Variants in LAMA2 observed in about 807,000 individuals in gnomAD.
The protein encoded by LAMA2 is laminin subunit alpha-2.
A neutral mutation model predicts 364.8 loss-of-function variants in LAMA2; 269 were observed. That is an observed-to-expected ratio of 0.74 (90% confidence interval 0.67 to 0.82). LAMA2 has a LOEUF of 0.82. Ranked by LOEUF, LAMA2 falls within the 40% of genes least tolerant of loss-of-function variation. LAMA2 has a pLI of 0.00. For synonymous variants in LAMA2, 1,379 were observed against 1,370.6 expected (o/e 1.01, Z -0.14); for missense variants, 3,807 against 3,873.2 (o/e 0.98, Z 0.45).
chr6:129,348,765 C>T (rs9402118), intron 30 of LAMA2, among the ~76,000 whole-genome samples: 1 of 152,084 alleles, frequency 6.6e-6, no homozygotes, highest in African/African-American at 2.4e-5. Context: ...AGTTTGAAAT[C>T]TGGATGTAAA....
At chr6:129,158,849 T>C (rs1779285944) in intron 8 of LAMA2, 6 of 1,614,040 alleles carry the variant, frequency 3.7e-6, no homozygotes, top group Non-Finnish European at 5.1e-6. Context: ...GGTTTCTCCC[T>C]GGTCATCTTC....
At chr6:129,070,409 CT>C (rs1408557215) in intron 3 of LAMA2, among the ~76,000 whole-genome samples, 1 of 151,960 alleles carries the variant, frequency 6.6e-6, no homozygotes, top group Non-Finnish European at 1.5e-5. Context: ...GAAATGATAC[CT>C]ATGAGGTTCA....
chr6:129,486,977 T>C (rs1266462869), intron 56 of LAMA2, among the ~76,000 whole-genome samples: 1 of 152,200 alleles, frequency 6.6e-6, no homozygotes, highest in African/African-American at 2.4e-5. Flanking sequence ...TCAGCTCCAC[T>C]GGAGCCAGCA....
chr6:129,252,054 C>T, intron 13 of LAMA2, 30 bp from the exon 14 acceptor site: 1 of 1,516,806 alleles, frequency 6.6e-7, no homozygotes, highest in Non-Finnish European at 9.1e-7. Context: ...CAGTTTTACT[C>T]TTTTTTATTT....
At chr6:129,507,223 G>A (rs1786161357) in intron 61 of LAMA2, among the ~76,000 whole-genome samples, 1 of 151,986 alleles carries the variant, frequency 6.6e-6, no homozygotes, top group African/African-American at 2.4e-5. Flanking sequence ...TCAAACCAAT[G>A]GAGACATAGT....
intron 5 of LAMA2, among the ~76,000 whole-genome samples, chr6:129,145,562 T>A (rs561994158): frequency 7.4e-4 from 112 of 152,140 alleles, no homozygotes; most frequent in Admixed American, 2.5e-3. Flanking sequence ...CTTGACAGTA[T>A]GTCTATCAGA....
In LAMA2 at chr6:129,443,083, ACT is replaced by A; in HGVS notation, c.6274+16_6274+17del. 6.3e-7 allele frequency: 1 copy of A among 1,583,954 alleles called. No homozygotes were observed. On this transcript the variant is annotated intron_variant, in intron 44 of 64. Transcript: ENST00000421865. ...TGCAGAAATCAGTACGTATATGTTTACTTATATACCTTTTAGTAACGCTCATG... is the reference window on the plus strand; with the variant it reads ...TGCAGAAATCAGTACGTATATGTTTATATATACCTTTTAGTAACGCTCATG...
chr6:129,457,401 G>T (rs1422312113), intron 48 of LAMA2, among the ~76,000 whole-genome samples: 1 of 151,882 alleles, frequency 6.6e-6, no homozygotes, highest in Non-Finnish European at 1.5e-5. Flanking sequence ...ATAAATATAG[G>T]GATAGCACAC....
chr6:128,980,674 A>C (rs1562890549), intron 1 of LAMA2, among the ~76,000 whole-genome samples: 1 of 152,126 alleles, frequency 6.6e-6, no homozygotes, highest in Non-Finnish European at 1.5e-5. Flanking sequence ...TTCATATAAA[A>C]CTATTTTTGC....
rs1780032788 is a variant in LAMA2, at chr6:129,402,425, G to A, written c.5664G>A (p.Glu1888=). 3.1e-6 allele frequency: 5 copies of A among 1,614,116 alleles called. No homozygotes were observed. The Middle Eastern group carries it at 4.9e-4, about 160-fold the overall frequency. Residue 1888 remains glutamate, a synonymous_variant, in exon 39 of 65, where the codon GAG becomes GAA. Coordinates refer to ENST00000421865, the MANE Select transcript of LAMA2 (RefSeq NM_000426.4). ...AAATAAAGGACAGGAAGCTTGCTGAGAAGGTGTCCCAGGCTGAGAGCCACG... is the reference window on the plus strand; with the variant it reads ...AAATAAAGGACAGGAAGCTTGCTGAAAAGGTGTCCCAGGCTGAGAGCCACG... The part of the protein sequence containing the change: ...SQEIKDRKLA[E]KVSQAESHAA...
chr6:129,054,068 G>GA (rs1419722160), intron 2 of LAMA2, among the ~76,000 whole-genome samples: 1 of 152,122 alleles, frequency 6.6e-6, no homozygotes, highest in African/African-American at 2.4e-5. Flanking sequence ...AAGAAAGAAT[G>GA]AATAGCAGCA....
rs1248663819 is a variant in LAMA2 at position 128,998,527 on chromosome 6, G to A, written c.113-51391G>A. ...AGGGAGTGCCAGACAGTGGGCGCAG[G>A]CCAGTGTGTGTGCGCACCGTGCGCG... On this transcript the variant is annotated intron_variant, in intron 1 of 64. Coordinates refer to ENST00000421865, the MANE Select transcript of LAMA2 (RefSeq NM_000426.4). Among the ~76,000 whole-genome samples the A allele has an allele frequency of 2.8e-5, 3 of 106,528 alleles. 1 individual carries two copies. Among genetic ancestry groups the A allele is most frequent in the Non-Finnish European group, 5.5e-5 (3 of 54,582 alleles). The allele number at this position is 106,528 out of a possible 152,430, so 69.9% of individuals were successfully genotyped here.
intron 7 of LAMA2, among the ~76,000 whole-genome samples, chr6:129,150,355 G>A (rs1190504554): frequency 1.3e-5 from 2 of 152,016 alleles, no homozygotes; most frequent in Non-Finnish European, 2.9e-5. Context: ...GTTTGCTCTC[G>A]AGCTCCTTTA....
chr6:128,940,822 A>G (rs1562852931), intron 1 of LAMA2, among the ~76,000 whole-genome samples: 1 of 152,132 alleles, frequency 6.6e-6, no homozygotes, highest in Non-Finnish European at 1.5e-5. Context: ...ATGGTAGTAC[A>G]CACCTGTAGT....
chr6:129,040,804 C>T (rs75447086), intron 1 of LAMA2, among the ~76,000 whole-genome samples: 1 of 152,004 alleles, frequency 6.6e-6, no homozygotes, highest in Non-Finnish European at 1.5e-5. Context: ...ACCAAGGCTT[C>T]ACTTGCAAAA....
chr6:128,909,976 C>T (rs958832380), intron 1 of LAMA2, among the ~76,000 whole-genome samples: 95 of 152,158 alleles, frequency 6.2e-4, no homozygotes, highest in Non-Finnish European at 1.3e-4. Flanking sequence ...CCACTCTCTT[C>T]TGGCTTGTAG....
chr6:129,401,277 A>G lies in LAMA2; in HGVS notation c.5499A>G (p.Lys1833=). ...SGKRQIENTL[K]EGNDILDEAN... is the part of the protein sequence containing the mutation. ...AACGACAAATTGAGAACACTTTAAA[A>G]GAGGGCAATGACATACTCGATGAAG... The change falls in exon 38 of 65, where the codon AAA becomes AAG. Residue 1833 remains lysine, a synonymous_variant. Coordinates refer to ENST00000421865, the MANE Select transcript of LAMA2 (RefSeq NM_000426.4). 1 of 1,613,252 alleles carries G rather than the reference A, an allele frequency of 6.2e-7. No individual in the cohort carries two copies. Among genetic ancestry groups the G allele is most frequent in the Non-Finnish European group, 8.5e-7 (1 of 1,179,216 alleles).
At chr6:129,456,902 G>A (rs889058993) in intron 48 of LAMA2, among the ~76,000 whole-genome samples, 2 of 152,126 alleles carry the variant, frequency 1.3e-5, no homozygotes, top group African/African-American at 4.8e-5. Flanking sequence ...AATATCACAG[G>A]AGCTATAAGC....
intron 1 of LAMA2, among the ~76,000 whole-genome samples, chr6:129,038,020 G>A (rs1786787200): frequency 6.6e-6 from 1 of 152,146 alleles, no homozygotes; most frequent in African/African-American, 2.4e-5. Context: ...CTTTAAAGAT[G>A]TGAGCTAGAT....
Sources: gnomAD v4.1 joint callset for allele counts (sites outside exome capture counted in the v4.1 genomes callset) on GRCh38, gnomAD v4.1.1 for gene constraint, MANE v1.5 for transcripts, NCBI Gene and HGNC (gene_info 2026-07-23, HGNC 2026-07-21) for gene names.